The following PSME4 variants were observed in gnomAD, a reference collection of about 807,000 sequenced individuals.
The protein encoded by PSME4 is proteasome activator subunit 4, also known as proteasome activator complex subunit 4.
Under a neutral mutation model 253.9 loss-of-function variants are expected in PSME4, and 89 were observed. The ratio of observed to expected loss-of-function variants is 0.35; its 90% confidence interval spans 0.30 to 0.42. The LOEUF (loss-of-function observed/expected upper bound fraction) is 0.42. Among genes scored for constraint, PSME4 ranks in the 10% least tolerant of loss-of-function variants. The probability of loss-of-function intolerance (pLI) is 1.00; values close to 1 mark genes in which losing one functional copy is unlikely to be tolerated. For synonymous variants in PSME4, 851 were observed against 759.2 expected (o/e 1.12, Z -1.99); for missense variants, 2,014 against 2,195.2 (o/e 0.92, Z 1.65).
At chr2:53,943,825 A>G (rs183143780) in intron 3 of PSME4, among the ~76,000 whole-genome samples, 56 of 148,568 alleles carry the variant, frequency 3.8e-4, no homozygotes, top group African/African-American at 1.3e-3. Flanking sequence ...CTGGGCAACA[A>G]CAGCAAAAAA....
At chr2:53,880,980 G>A (rs760380588) in intron 41 of PSME4, among the ~76,000 whole-genome samples, 22 of 152,074 alleles carry the variant, frequency 1.4e-4, no homozygotes, top group Admixed American at 9.2e-4. Flanking sequence ...TGAATCAGCC[G>A]TCTCTCTTCC....
At chr2:53,897,167 G>GCT (rs1680178603) in intron 31 of PSME4, among the ~76,000 whole-genome samples, 2 of 122,174 alleles carry the variant, frequency 1.6e-5, no homozygotes, top group Non-Finnish European at 3.3e-5. Flanking sequence ...TAGCCTCAGG[G>GCT]TTTTTTTTTT....
intron 30 of PSME4, 76 bp downstream of exon 30, chr2:53,898,225 A>G: frequency 7.3e-7 from 1 of 1,368,812 alleles, no homozygotes; most frequent in Non-Finnish European, 1.0e-6. Context: ...ATAGTCATTC[A>G]TAGCCTTCCA....
Position 53,919,213 on chromosome 2 carries a change from G to A in PSME4, c.2454C>T (p.His818=), listed in dbSNP as rs1668191992. The A allele has an allele frequency of 3.7e-6, 6 of 1,609,550 alleles. No homozygotes were observed. The East Asian group carries it at 1.3e-4, about 36-fold the overall frequency. The change falls in exon 20 of 47, where the codon CAC becomes CAT. Residue 818 remains histidine (H), a synonymous_variant. Transcript: ENST00000404125. ...GGTTTCCAGAGCCAATTAAACAGTT[G>A]TGCACTATAGTCAGACTCTGTAGAA... is the stretch of plus-strand genomic sequence containing the variant. The part of the protein sequence containing the change: ...DDILQSLTIV[H]NCLIGSGNLL...
At chr2:53,921,854 C>T (rs146509664) in intron 17 of PSME4, among the ~76,000 whole-genome samples, 3 of 86,956 alleles carry the variant, frequency 3.5e-5, no homozygotes, top group Non-Finnish European at 7.3e-5. Flanking sequence ...GGCGACAGAG[C>T]GAGACTCCGT....
At chr2:53,963,059 A>C (rs1265828891) in intron 1 of PSME4, among the ~76,000 whole-genome samples, 1 of 152,012 alleles carries the variant, frequency 6.6e-6, no homozygotes, top group Admixed American at 6.6e-5. Context: ...TCACGCATGT[A>C]ATCCCAACAC....
chr2:53,870,624 C>T (rs544834045), intron 43 of PSME4: 8 of 151,986 alleles, frequency 5.3e-5, no homozygotes, highest in Non-Finnish European at 8.8e-5. Flanking sequence ...GATCCGCCCA[C>T]GTCAGCCTCC....
chr2:53,875,497 T>C (rs1186352705), intron 42 of PSME4, 130 bp downstream of exon 42: 15 of 865,624 alleles, frequency 1.7e-5, no homozygotes, highest in Non-Finnish European at 2.5e-5. Flanking sequence ...TCAATATATA[T>C]GTCTTCTCTT....
chr2:53,901,459 G>A lies in PSME4; in HGVS notation c.3176C>T (p.Ser1059Leu). 6.2e-7 allele frequency: 1 copy of A among 1,614,004 alleles called. No individual in the cohort carries two copies. The highest frequency in any genetic ancestry group is 8.5e-7 in the Non-Finnish European group (1 of 1,179,962). The change falls in exon 28 of 47, where the codon TCA (serine) becomes TTA (leucine). Residue 1059 changes from serine to leucine, a missense_variant. By Grantham distance (145) the Ser-to-Leu change is moderately radical. Around this residue, in one of 4 missense-constraint regions of PSME4, gnomAD observed 989 missense variants for 1,021.1 expected, o/e 0.97. Transcript: ENST00000404125. The stretch of plus-strand genomic sequence containing the variant: ...CAGGGACATTGCTTGGCTAAGCCCT[G>A]AAGAAACAATCGCTGGCCACGTCTG... ...IVQTWPAIVS[S>L]GLSQAMSLEK...
Position 53,908,190 on chromosome 2 carries a change from T to C in PSME4, c.2784+130A>G, listed in dbSNP as rs574520584. The C allele has an allele frequency of 2.8e-4, 187 of 668,786 alleles. No homozygotes were observed. The African/African-American group carries it at 3.3e-3, about 12-fold the overall frequency. The allele number at this position is 668,786 out of a possible 1,614,324, so 41.4% of individuals were successfully genotyped here. A position where few individuals can be genotyped will look rare whatever the true frequency, so the allele number is the denominator to read the frequency against. On this transcript the variant is annotated intron_variant, in intron 24 of 46. Coordinates refer to ENST00000404125, the MANE Select transcript of PSME4 (RefSeq NM_014614.3). ...ATTTCTACCATGATGTTTTTAACTT[T>C]TACATACTTTTAAATCTACTATTTT...
intron 41 of PSME4, among the ~76,000 whole-genome samples, chr2:53,880,099 A>G (rs1679310381): frequency 6.6e-6 from 1 of 152,180 alleles, no homozygotes; most frequent in African/African-American, 2.4e-5. Context: ...TTAAGTTGGA[A>G]AATAAAAAAT....
intron 33 of PSME4, 125 bp downstream of exon 33, chr2:53,895,454 AAGAG>A (rs1271228171): frequency 7.4e-6 from 7 of 949,358 alleles, no homozygotes; most frequent in Non-Finnish European, 1.1e-5. Flanking sequence ...GAGCAAAAGA[AAGAG>A]AGGACTAGGG....
intron 1 of PSME4, among the ~76,000 whole-genome samples, chr2:53,970,321 C>A (rs1671001493): frequency 6.6e-6 from 1 of 152,124 alleles, no homozygotes; most frequent in African/African-American, 2.4e-5. Flanking sequence ...ATGCGGAGGA[C>A]GTAGAGGGAT....
chr2:53,962,564 C>T (rs1670538338), intron 1 of PSME4, among the ~76,000 whole-genome samples: 1 of 152,158 alleles, frequency 6.6e-6, no homozygotes, highest in South Asian at 2.1e-4. Flanking sequence ...TTTCTAACTG[C>T]CTTTCTTAGT....
intron 20 of PSME4, among the ~76,000 whole-genome samples, chr2:53,918,143 G>A (rs1012710356): frequency 3.3e-5 from 5 of 152,046 alleles, no homozygotes; most frequent in Admixed American, 2.6e-4. Flanking sequence ...CGTTTTTGTT[G>A]GAAAATCAGT....
intron 36 of PSME4, among the ~76,000 whole-genome samples, chr2:53,890,723 T>C (rs1679866735): frequency 6.6e-6 from 1 of 152,178 alleles, no homozygotes. Flanking sequence ...ATACTTTGCA[T>C]GGCGCTTTAA....
intron 17 of PSME4, among the ~76,000 whole-genome samples, chr2:53,921,675 C>T (rs1198403845): frequency 1.5e-3 from 164 of 108,732 alleles, no homozygotes; most frequent in Middle Eastern, 7.8e-3. Flanking sequence ...GAGACCATCC[C>T]GGCTAAAACG....
Position 53,874,731 on chromosome 2 carries a change from G to T in PSME4, c.4945-237C>A, listed in dbSNP as rs186454608. On this transcript the variant is annotated intron_variant, in intron 42 of 46. Transcript: ENST00000404125. ...TGAGTGAGGTGGGTGGATCACCTGA[G>T]GTCAGGAGTTTGAGATCAGCCTGGC... 3.0e-3 allele frequency among the ~76,000 whole-genome samples: 451 copies of T among 152,302 alleles called. 1 individual carries two copies. The highest frequency in any genetic ancestry group is 0.01 in the African/African-American group (424 of 41,562).
chr2:53,923,084 G>A lies in PSME4; in HGVS notation c.1943C>T (p.Pro648Leu). 2.5e-6 allele frequency: 4 copies of A among 1,607,430 alleles called. No homozygotes were observed. Among genetic ancestry groups the A allele is most frequent in the Non-Finnish European group, 3.4e-6 (4 of 1,176,062 alleles). ...CPEESLKLFV[P>L]HCCSVITQLT... Reference sequence around the variant, plus strand: ...CTGAGTTATAACACTGCAGCAGTGGGGAACAAAGAGCTTCAAAGATTCTTC... The same window carrying A: ...CTGAGTTATAACACTGCAGCAGTGGAGAACAAAGAGCTTCAAAGATTCTTC... The change falls in exon 16 of 47, where the codon CCC (proline) becomes CTC (leucine). Residue 648 changes from proline to leucine, a missense_variant. Coordinates refer to ENST00000404125, the MANE Select transcript of PSME4 (RefSeq NM_014614.3).
Sources: allele counts gnomAD v4.1 joint callset (sites outside exome capture counted in the v4.1 genomes callset), GRCh38; gene constraint gnomAD v4.1.1; regional missense constraint gnomAD v4.1.1; transcripts MANE v1.5; gene names NCBI Gene and HGNC (gene_info 2026-07-23, HGNC 2026-07-21).